FRMD4A: variants seen among roughly 807,000 people sequenced by gnomAD.
FRMD4A encodes FERM domain containing 4A.
Under a neutral mutation model 129.1 loss-of-function variants are expected in FRMD4A, and 29 were observed. That is an observed-to-expected ratio of 0.22 (90% confidence interval 0.17 to 0.31). FRMD4A has a LOEUF of 0.31. FRMD4A is among the 10% of genes least tolerant of loss of function. The pLI is 1.00. For synonymous variants in FRMD4A, 634 were observed against 571.6 expected, an observed-to-expected ratio of 1.11 and a Z score of -1.56; for missense variants, 1,272 against 1,375.8, an observed-to-expected ratio of 0.92 and a Z score of 1.19.
intron 21 of FRMD4A, among the ~76,000 whole-genome samples, chr10:13,658,049 G>A (rs899413300): frequency 6.7e-6 from 1 of 149,902 alleles, no homozygotes; most frequent in African/African-American, 2.5e-5. Flanking sequence ...AGGTTGAAGA[G>A]GGAGGATCAC....
At chr10:13,814,597 AAAAAAAAAAAG>A (rs1316255372) in intron 3 of FRMD4A, among the ~76,000 whole-genome samples, 3 of 142,744 alleles carry the variant, frequency 2.1e-5, no homozygotes, top group Non-Finnish European at 3.2e-5. Flanking sequence ...AAAAAAAAAA[AAAAAAAAAAAG>A]AAAGAAAGGG....
At chr10:13,806,134 G>A (rs2093353301) in intron 4 of FRMD4A, among the ~76,000 whole-genome samples, 1 of 152,024 alleles carries the variant, frequency 6.6e-6, no homozygotes, top group Admixed American at 6.6e-5. Context: ...TGGTATTACA[G>A]GTGTGAGCCA....
At chr10:14,232,802 A>G (rs758198196) in intron 2 of FRMD4A, among the ~76,000 whole-genome samples, 2 of 152,222 alleles carry the variant, frequency 1.3e-5, no homozygotes, top group Non-Finnish European at 2.9e-5. Context: ...GAAGTTGGTT[A>G]TCAGATCTAA....
intron 2 of FRMD4A, among the ~76,000 whole-genome samples, chr10:14,132,565 C>T (rs1839317187): frequency 1.3e-5 from 2 of 152,128 alleles, no homozygotes; most frequent in Admixed American, 6.5e-5. Context: ...TGATGTGACT[C>T]TCATGATGGA....
At chr10:14,181,493 G>A (rs966028459) in intron 2 of FRMD4A, among the ~76,000 whole-genome samples, 1 of 152,136 alleles carries the variant, frequency 6.6e-6, no homozygotes, top group Non-Finnish European at 1.5e-5. Context: ...GAAGCAGTTG[G>A]ATGTTCCTGC....
chr10:13,780,473 G>A (rs758844002), intron 6 of FRMD4A, among the ~76,000 whole-genome samples: 2 of 152,162 alleles, frequency 1.3e-5, no homozygotes, highest in Non-Finnish European at 2.9e-5. Context: ...AGCTTATGGA[G>A]CAATTGGATA....
intron 20 of FRMD4A, among the ~76,000 whole-genome samples, 181 bp from the exon 21 acceptor site, chr10:13,659,671 C>T (rs2274352): frequency 0.063 from 9,600 of 152,058 alleles, 374 homozygotes; most frequent in Middle Eastern, 0.085. Flanking sequence ...TGCCCTCCCC[C>T]CTCCCAACCT....
At chr10:14,075,949 G>A (rs1201260740) in intron 2 of FRMD4A, among the ~76,000 whole-genome samples, 1 of 152,156 alleles carries the variant, frequency 6.6e-6, no homozygotes, top group African/African-American at 2.4e-5. Flanking sequence ...GACAGAACTT[G>A]GCCTAACTCT....
At chr10:13,998,391 A>T (rs575379926) in intron 2 of FRMD4A, among the ~76,000 whole-genome samples, 2 of 152,306 alleles carry the variant, frequency 1.3e-5, no homozygotes, top group East Asian at 3.9e-4. Flanking sequence ...GGCTCTGGAG[A>T]GCCTCTCAAG....
intron 2 of FRMD4A, among the ~76,000 whole-genome samples, chr10:13,879,132 A>C (rs1443021311): frequency 6.6e-6 from 1 of 152,164 alleles, no homozygotes; most frequent in Non-Finnish European, 1.5e-5. Context: ...TAATAAATCT[A>C]TTTAAATATG....
chr10:13,652,653 CAAG>C (rs932713277), intron 23 of FRMD4A, among the ~76,000 whole-genome samples: 3 of 152,152 alleles, frequency 2.0e-5, no homozygotes, highest in South Asian at 4.1e-4. Flanking sequence ...ACAGACAGCC[CAAG>C]AAGTAGGAGC....
chr10:14,283,598 G>A (rs1243316595), intron 2 of FRMD4A, among the ~76,000 whole-genome samples: 1 of 152,134 alleles, frequency 6.6e-6, no homozygotes, highest in East Asian at 1.9e-4. Context: ...CAATTCTGGA[G>A]TATTTATTTT....
intron 2 of FRMD4A, among the ~76,000 whole-genome samples, chr10:14,139,622 T>C (rs1839732716): frequency 6.6e-6 from 1 of 151,856 alleles, no homozygotes; most frequent in African/African-American, 2.4e-5. Flanking sequence ...GCTAATTTTT[T>C]TGTGATTTGT....
intron 2 of FRMD4A, among the ~76,000 whole-genome samples, chr10:13,917,689 G>A (rs1244615576): frequency 6.6e-6 from 1 of 152,170 alleles, no homozygotes; most frequent in Non-Finnish European, 1.5e-5. Context: ...TCAGAAAAGA[G>A]TAACCAAGCA....
chr10:13,983,843 A>G (rs2095571169), intron 2 of FRMD4A, among the ~76,000 whole-genome samples: 1 of 151,864 alleles, frequency 6.6e-6, no homozygotes, highest in Admixed American at 6.6e-5. Flanking sequence ...CTACTAAAAA[A>G]AAAAACAAAA....
chr10:14,186,507 G>T (rs769170734), intron 2 of FRMD4A, among the ~76,000 whole-genome samples: 3 of 152,146 alleles, frequency 2.0e-5, no homozygotes, highest in Admixed American at 6.5e-5. Flanking sequence ...TGTCTCCCTG[G>T]GAACAATAAA....
chr10:13,911,599 G>A (rs1232390862), intron 2 of FRMD4A, among the ~76,000 whole-genome samples: 1 of 152,126 alleles, frequency 6.6e-6, no homozygotes, highest in Non-Finnish European at 1.5e-5. Flanking sequence ...GTCTTGCTCT[G>A]TTGCCCCAGC....
intron 2 of FRMD4A, among the ~76,000 whole-genome samples, chr10:14,128,251 A>G (rs1488309597): frequency 1.3e-5 from 2 of 151,502 alleles, no homozygotes; most frequent in East Asian, 1.9e-4. Context: ...TTACAGGTGC[A>G]TGCTACCAAA....
intron 2 of FRMD4A, among the ~76,000 whole-genome samples, chr10:14,039,246 CT>C (rs1387074894): frequency 6.6e-6 from 1 of 152,058 alleles, no homozygotes; most frequent in African/African-American, 2.4e-5. Context: ...TAATTATATC[CT>C]TTTGCTTACA....
Sources: gnomAD v4.1 joint callset for allele counts (sites outside exome capture counted in the v4.1 genomes callset) on GRCh38, gnomAD v4.1.1 for gene constraint, MANE v1.5 for transcripts, NCBI Gene and HGNC (gene_info 2026-07-23, HGNC 2026-07-21) for gene names.